Variants in GLI2 observed in about 807,000 individuals in gnomAD.
The protein encoded by GLI2 is transcription activator GLI2.
In GLI2, 22 loss-of-function variants were observed where a neutral mutation model predicts 78.9. The ratio of observed to expected loss-of-function variants is 0.28; its 90% CI spans 0.20 to 0.40. The LOEUF (loss-of-function observed/expected upper bound fraction) is 0.40, where lower values mean the gene tolerates loss of function less well. Among genes scored for constraint, GLI2 ranks in the 10% least tolerant of loss-of-function variants. The probability of loss-of-function intolerance (pLI) is 1.00; values close to 1 mark genes in which losing one functional copy is unlikely to be tolerated. For synonymous variants in GLI2, 974 were observed against 963.7 expected (o/e 1.01, Z -0.20); for missense variants, 2,097 against 2,213.2 (o/e 0.95, Z 1.05).
chr2:120,840,122 G>A lies in GLI2; in HGVS notation c.148+42654G>A, dbSNP rs561349312. Among the ~76,000 whole-genome samples the A allele has an allele frequency of 1.8e-4, 27 of 152,064 alleles. No individual in the cohort carries two copies. The South Asian group carries it at 4.2e-3, about 23-fold the overall frequency. On this transcript the variant is annotated intron_variant, in intron 2 of 13. Transcript: ENST00000361492. The stretch of plus-strand genomic sequence containing the variant: ...CTAAGTTATGCTTCAGTTACATCCC[G>A]CACATTCTGAAACATAGCAATTTTA...
chr2:120,985,964 G>A (rs1442046396), intron 12 of GLI2, among the ~76,000 whole-genome samples: 2 of 152,240 alleles, frequency 1.3e-5, no homozygotes, highest in African/African-American at 2.4e-5. Flanking sequence ...GAGTGTTTAA[G>A]TGCCTTCCTT....
Position 120,797,403 on chromosome 2 carries a change from C to G in GLI2, c.83C>G (p.Pro28Arg). The G allele has an allele frequency of 1.9e-6, 3 of 1,614,002 alleles. No homozygotes were observed. Among genetic ancestry groups the G allele is most frequent in the Middle Eastern group, 1.6e-4 (1 of 6,062 alleles). Residue 28 changes from proline to arginine, a missense_variant, in exon 2 of 14, where the codon CCG becomes CGG. Pro to Arg is a moderately radical substitution (Grantham distance 103, BLOSUM62 -2). Coordinates refer to ENST00000361492, the MANE Select transcript of GLI2 (RefSeq NM_001374353.1). ...GILEAAGFPD[P>R]GKKASPLVVA... ...CTGGAGGCCGCTGGCTTCCCCGACC[C>G]GGGTAAAAAGGCCTCTCCTTTGGTG...
chr2:120,977,080 G>A (rs1049916659), intron 9 of GLI2, among the ~76,000 whole-genome samples: 38 of 152,336 alleles, frequency 2.5e-4, no homozygotes, highest in African/African-American at 8.2e-4. Context: ...ATCTGTACGC[G>A]TGACAGTTGG....
chr2:120,871,462 C>T (rs1688427001), intron 2 of GLI2, among the ~76,000 whole-genome samples: 3 of 152,380 alleles, frequency 2.0e-5, no homozygotes, highest in Admixed American at 2.0e-4. Flanking sequence ...CCCTCGTCCC[C>T]TCGCCACTCT....
intron 5 of GLI2, among the ~76,000 whole-genome samples, chr2:120,957,526 C>T (rs887481880): frequency 2.0e-5 from 3 of 152,254 alleles, no homozygotes; most frequent in Non-Finnish European, 2.9e-5. Flanking sequence ...CAAATTGCCA[C>T]ACCCGAATGT....
Position 120,990,040 on chromosome 2 carries a change from G to A in GLI2, c.4075G>A (p.Glu1359Lys), listed in dbSNP as rs768928173. The change falls in exon 14 of 14, where the codon GAG becomes AAG. Residue 1359 changes from glutamate (E) to lysine (K), a missense_variant. Coordinates refer to ENST00000361492, the MANE Select transcript of GLI2 (RefSeq NM_001374353.1). ...CCTAGTGCAGCCCCGGCCTCCCCTC[G>A]AGCCCAGCCCCACTGGCCGCCACCG... is the stretch of plus-strand genomic sequence containing the variant. Reference protein sequence around the residue: ...FGLVQPRPPLEPSPTGRHRGV... With the variant: ...FGLVQPRPPLKPSPTGRHRGV... 18 of 1,603,800 alleles carry A rather than the reference G, an allele frequency of 1.1e-5. No individual in the cohort carries two copies. The highest frequency in any genetic ancestry group is 4.5e-5 in the East Asian group (2 of 44,620).
At chr2:120,929,077 A>C (rs1679826664) in intron 3 of GLI2, among the ~76,000 whole-genome samples, 1 of 152,170 alleles carries the variant, frequency 6.6e-6, no homozygotes, top group Non-Finnish European at 1.5e-5. Flanking sequence ...AGTTTTAAAG[A>C]GTACTGGCCA....
intron 2 of GLI2, among the ~76,000 whole-genome samples, chr2:120,803,291 TA>T (rs886783979): frequency 1.3e-5 from 2 of 152,384 alleles, no homozygotes; most frequent in African/African-American, 4.8e-5. Context: ...TTCTCATCTA[TA>T]AAATGGGCAT....
At chr2:120,866,932 C>A (rs1688164289) in intron 2 of GLI2, 1 of 152,314 alleles carries the variant, frequency 6.6e-6, no homozygotes, top group Admixed American at 6.5e-5. Context: ...GCCACCTTCA[C>A]CTGCACTGCC....
chr2:120,797,802 A>G (rs13017425), intron 2 of GLI2, among the ~76,000 whole-genome samples: 1 of 152,186 alleles, frequency 6.6e-6, no homozygotes, highest in South Asian at 2.1e-4. Context: ...CAGCTGGCAC[A>G]TTTGAAATGT....
chr2:120,927,515 T>C, intron 3 of GLI2, 49 bp downstream of exon 3: 1 of 1,260,018 alleles, frequency 7.9e-7, no homozygotes, highest in Non-Finnish European at 1.2e-6. Flanking sequence ...TCACCTGCCA[T>C]GGGGAGGCTG....
intron 1 of GLI2, among the ~76,000 whole-genome samples, chr2:120,780,368 C>T (rs1028231808): frequency 3.2e-4 from 49 of 152,164 alleles, no homozygotes; most frequent in Non-Finnish European, 1.3e-4. Context: ...GAAGCAGAGA[C>T]CACCATCCCC....
intron 2 of GLI2, among the ~76,000 whole-genome samples, chr2:120,899,653 G>C (rs1029782162): frequency 6.6e-6 from 1 of 152,230 alleles, no homozygotes; most frequent in Admixed American, 6.5e-5. Flanking sequence ...GTTCAGCCCT[G>C]TCTGGGACCT....
intron 2 of GLI2, among the ~76,000 whole-genome samples, chr2:120,868,269 A>G (rs1486481587): frequency 6.6e-6 from 1 of 151,566 alleles, no homozygotes; most frequent in Non-Finnish European, 1.5e-5. Context: ...TTCCCGGGGG[A>G]CCATGCTGTT....
At chr2:120,911,861 G>A (rs1299967159) in intron 2 of GLI2, among the ~76,000 whole-genome samples, 1 of 152,018 alleles carries the variant, frequency 6.6e-6, no homozygotes, top group African/African-American at 2.4e-5. Context: ...GCAGGGTGGA[G>A]CCTAGGAGGC....
intron 3 of GLI2, among the ~76,000 whole-genome samples, chr2:120,935,492 C>T (rs772234286): frequency 1.3e-5 from 2 of 152,200 alleles, no homozygotes; most frequent in Non-Finnish European, 2.9e-5. Context: ...CATCTCTGGG[C>T]TGTGGGATAC....
At chr2:120,750,058 C>T (rs1244873938) in intron 1 of GLI2, among the ~76,000 whole-genome samples, 2 of 152,254 alleles carry the variant, frequency 1.3e-5, no homozygotes, top group African/African-American at 2.4e-5. Context: ...TCCACAGGGA[C>T]ATGAGCCTCT....
At chr2:120,960,579 T>G (rs1238421200) in intron 5 of GLI2, among the ~76,000 whole-genome samples, 1 of 152,252 alleles carries the variant, frequency 6.6e-6, no homozygotes, top group Non-Finnish European at 1.5e-5. Context: ...GAACTTTGTA[T>G]TTTTTCTGAA....
chr2:120,934,473 T>C (rs1350338472), intron 3 of GLI2, among the ~76,000 whole-genome samples: 1 of 152,180 alleles, frequency 6.6e-6, no homozygotes, highest in Non-Finnish European at 1.5e-5. Flanking sequence ...GATCCTGAGC[T>C]GTAGTTGGTT....
Sources: gnomAD v4.1 joint callset for allele counts (sites outside exome capture counted in the v4.1 genomes callset) on GRCh38, gnomAD v4.1.1 for gene constraint, MANE v1.5 for transcripts, NCBI Gene and HGNC (gene_info 2026-07-23, HGNC 2026-07-21) for gene names.